The following SPATA7 variants were observed in gnomAD, a reference collection of about 807,000 sequenced individuals.
The protein encoded by SPATA7 is spermatogenesis-associated protein 7.
In SPATA7, 43 loss-of-function variants were observed where a neutral mutation model predicts 51.8. The observed-to-expected ratio is 0.83, with a 90% CI of 0.65 to 1.07. The LOEUF (loss-of-function observed/expected upper bound fraction) is 1.07. Among genes scored for constraint, SPATA7 ranks in the 50% least tolerant of loss-of-function variants. The pLI is 0.00. For synonymous variants in SPATA7, 230 were observed against 252.8 expected (o/e 0.91, Z 0.86); for missense variants, 683 against 701.3 (o/e 0.97, Z 0.30).
At chr14:88,417,112 G>T (rs935871419) in intron 5 of SPATA7, among the ~76,000 whole-genome samples, 3 of 152,054 alleles carry the variant, frequency 2.0e-5, no homozygotes, top group African/African-American at 7.2e-5. Context: ...TGGCCTGAAG[G>T]TTATAGTTTG....
At chr14:88,391,571 C>A in intron 2 of SPATA7, 116 bp downstream of exon 2, 2 of 850,264 alleles carry the variant, frequency 2.4e-6, no homozygotes, top group Non-Finnish European at 3.9e-6. Context: ...ATTTGAACTT[C>A]ATATTATTAA....
chr14:88,439,855 C>A (rs1014416408), downstream of SPATA7, among the ~76,000 whole-genome samples: 3 of 152,186 alleles, frequency 2.0e-5, no homozygotes, highest in Non-Finnish European at 4.4e-5. Flanking sequence ...GAATCCCCAA[C>A]TCACCCTGCT....
intron 4 of SPATA7, among the ~76,000 whole-genome samples, chr14:88,461,399 T>G (rs1269881596): frequency 2.6e-5 from 4 of 152,170 alleles, no homozygotes; most frequent in Non-Finnish European, 4.4e-5. Flanking sequence ...TACTCAAGCC[T>G]CAGCAATGGT....
At chr14:88,423,674 T>TATACCCATCCAA (rs1595262443) in intron 5 of SPATA7, among the ~76,000 whole-genome samples, 7,579 of 57,314 alleles carry the variant, frequency 0.13, 3,680 homozygotes, top group Middle Eastern at 0.2. Flanking sequence ...TAAAATAATT[T>TATACCCATCCAA]TTTTTTTTTT....
At position 88,433,193 on chromosome 14, in the gene SPATA7, CTT is replaced by C; in HGVS notation, c.1142_1143del (p.Leu381ArgfsTer20). ...AGATGTAACAGATGAAATTTTGAAACTTGGTTTATTTTCAAACAGGTTAGTTT... is the reference window on the plus strand; with the variant it reads ...AGATGTAACAGATGAAATTTTGAAACGGTTTATTTTCAAACAGGTTAGTTT... ...IEDVTDEILK[L>X]GLFSNRFLER... On this transcript the variant is annotated frameshift_variant, in exon 10 of 12. Coordinates refer to ENST00000393545, the MANE Select transcript of SPATA7 (RefSeq NM_018418.5). LOFTEE classifies it high-confidence loss of function. 1 of 1,609,722 alleles carries C rather than the reference CTT, an allele frequency of 6.2e-7. No individual in the cohort carries two copies. Among genetic ancestry groups the C allele is most frequent in the Middle Eastern group, 1.7e-4 (1 of 6,044 alleles).
At chr14:88,393,559 T>A in intron 3 of SPATA7, 71 bp downstream of exon 3, 1 of 1,123,622 alleles carries the variant, frequency 8.9e-7, no homozygotes, top group Non-Finnish European at 1.3e-6. Context: ...TTAAAATATA[T>A]CTATAGCAAA....
downstream of SPATA7, chr14:88,438,576 T>C (rs987072697): frequency 4.2e-6 from 3 of 712,882 alleles, no homozygotes; most frequent in African/African-American, 5.3e-5. Flanking sequence ...ATTTATTATT[T>C]ATCCCACAGT....
Position 88,437,524 on chromosome 14 carries a change from TTTTG to T in SPATA7, c.1161-15_1161-12del, listed in dbSNP as rs1223917658. On this transcript the variant is annotated splice_polypyrimidine_tract_variant and intron_variant, in intron 10 of 11. Transcript: ENST00000393545. ...TTTTCTGATTTTGAGACATTAACAT[TTTTG>T]TTTATCATTTGTAGGTTTTTAGAAC... 3 of 1,582,478 alleles carry T rather than the reference TTTTG, an allele frequency of 1.9e-6. No individual in the cohort carries two copies. Among genetic ancestry groups the T allele is most frequent in the Middle Eastern group, 1.7e-4 (1 of 6,024 alleles).
intron 2 of SPATA7, chr14:88,391,660 T>G: frequency 1.6e-6 from 1 of 626,122 alleles, no homozygotes; most frequent in South Asian, 1.5e-5. Context: ...GCCCTGGATG[T>G]GGACTTGGCT....
At chr14:88,445,492 A>G (rs1405122329) in intron 3 of SPATA7, among the ~76,000 whole-genome samples, 3,831 of 152,030 alleles carry the variant, frequency 0.025, 168 homozygotes, top group African/African-American at 0.087. Context: ...TCTCCTGCCC[A>G]ATTGCCCTGG....
downstream of SPATA7, among the ~76,000 whole-genome samples, chr14:88,457,044 G>T (rs531990045): frequency 5.4e-4 from 82 of 152,218 alleles, no homozygotes; most frequent in South Asian, 3.3e-3. Flanking sequence ...TAGATGTGTG[G>T]TATTATTTCT....
At chr14:88,459,119 G>C (rs1030409335), downstream of SPATA7, among the ~76,000 whole-genome samples, 9 of 152,296 alleles carry the variant, frequency 5.9e-5, no homozygotes, top group Non-Finnish European at 1.2e-4. Context: ...TTTTACATTT[G>C]CTGAGGAGTG....
At chr14:88,405,499 G>A (rs987087403) in intron 4 of SPATA7, among the ~76,000 whole-genome samples, 1 of 152,186 alleles carries the variant, frequency 6.6e-6, no homozygotes, top group Non-Finnish European at 1.5e-5. Context: ...GCAGTGGAGA[G>A]AGATTGAAAT....
At chr14:88,385,923 A>C (rs1376832507) in intron 1 of SPATA7, 86 bp downstream of exon 1, 2 of 1,410,630 alleles carry the variant, frequency 1.4e-6, no homozygotes, top group Non-Finnish European at 1.8e-6. Context: ...AGCTGAGTGC[A>C]AGGCCGCCCC....
At chr14:88,468,079 CTTTTT>C in intron 4 of SPATA7, 1 of 1,564,876 alleles carries the variant, frequency 6.4e-7, no homozygotes, top group Non-Finnish European at 8.7e-7. Flanking sequence ...TAGGCAAGCG[CTTTTT>C]TTTTAAGCTG....
downstream of SPATA7, among the ~76,000 whole-genome samples, chr14:88,458,779 G>C (rs908750599): frequency 6.6e-6 from 1 of 152,060 alleles, no homozygotes; most frequent in East Asian, 1.9e-4. Context: ...GAATGTGTTT[G>C]CTCTTGCTTC....
rs1013670094 is a variant in SPATA7, at chr14:88,427,662, A to C, written c.878A>C (p.Lys293Thr). 4 of 1,610,350 alleles carry C rather than the reference A, an allele frequency of 2.5e-6. No homozygotes were observed. In the African/African-American group the frequency reaches 5.3e-5, roughly 22 times the overall value. Residue 293 changes from lysine to threonine, a missense_variant, in exon 7 of 12, where the codon AAA becomes ACA. Coordinates refer to ENST00000393545, the MANE Select transcript of SPATA7 (RefSeq NM_018418.5). ...FKSELGTAET[K>T]NMTDSEMNIK... ...TCTGAGTTGGGGACAGCTGAGACTA[A>C]AAACATGACAGATTCAGAAATGAAC... is the stretch of plus-strand genomic sequence containing the variant.
chr14:88,437,933 T>A lies in SPATA7; in HGVS notation c.1311T>A (p.Asn437Lys), dbSNP rs1192081318. Residue 437 changes from asparagine (N) to lysine (K), a missense_variant, in exon 12 of 12, where the codon AAT (asparagine) becomes AAA (lysine). By Grantham distance (94) the Asn-to-Lys change is moderately conservative (BLOSUM62 0). Coordinates refer to ENST00000393545, the MANE Select transcript of SPATA7 (RefSeq NM_018418.5). ...SVKQNDVDML[N>K]VFDFEKAGNS... ...AGCAAAATGATGTTGATATGTTGAA[T>A]GTATTTGATTTTGAAAAGGCTGGGA... The A allele has an allele frequency of 6.2e-7, 1 of 1,613,882 alleles. No homozygotes were observed. The highest frequency in any genetic ancestry group is 1.1e-5 in the South Asian group (1 of 91,026).
chr14:88,439,157 A>G (rs1167489617), downstream of SPATA7, among the ~76,000 whole-genome samples: 1 of 152,226 alleles, frequency 6.6e-6, no homozygotes, highest in African/African-American at 2.4e-5. Flanking sequence ...GAAATGGTTT[A>G]TGATCTGGTG....
Sources: gnomAD v4.1 joint callset for allele counts (sites outside exome capture counted in the v4.1 genomes callset) on GRCh38, gnomAD v4.1.1 for gene constraint, MANE v1.5 for transcripts, NCBI Gene and HGNC (gene_info 2026-07-23, HGNC 2026-07-21) for gene names.